The following CCDC7 variants were observed in gnomAD, a reference collection of about 807,000 sequenced individuals.
CCDC7 encodes the protein coiled-coil domain containing 7, also known as coiled-coil domain-containing protein 7.
In CCDC7, 183 loss-of-function variants were observed where a neutral mutation model predicts 196.9. That is an observed-to-expected ratio of 0.93 (90% confidence interval 0.82 to 1.05). The LOEUF is 1.05. Among genes scored for constraint, CCDC7 ranks in the 50% least tolerant of loss-of-function variants. CCDC7 has a pLI of 0.00. For missense variants in CCDC7, 1,540 were observed against 1,482.2 expected, an observed-to-expected ratio of 1.04 and a Z score of -0.64; for synonymous variants, 525 against 484.6, an observed-to-expected ratio of 1.08 and a Z score of -1.10.
At chr10:32,683,001 A>ATTT (rs1448968401) in intron 21 of CCDC7, among the ~76,000 whole-genome samples, 1 of 152,120 alleles carries the variant, frequency 6.6e-6, no homozygotes, top group East Asian at 1.9e-4. Flanking sequence ...TAGTTTAATT[A>ATTT]GATCCTATTT....
At chr10:32,812,352 C>G (rs1394398729) in intron 30 of CCDC7, among the ~76,000 whole-genome samples, 2 of 151,866 alleles carry the variant, frequency 1.3e-5, no homozygotes, top group African/African-American at 4.8e-5. Context: ...TTTCTTGCCT[C>G]AGCTTTTTAA....
chr10:32,619,945 C>CA (rs2063218762), intron 18 of CCDC7, among the ~76,000 whole-genome samples: 1 of 83,626 alleles, frequency 1.2e-5, no homozygotes, highest in African/African-American at 7.6e-5. Context: ...TTTTTTGAGA[C>CA]AGAGTCTTGC....
At chr10:32,592,448 T>C (rs1305220370) in intron 18 of CCDC7, among the ~76,000 whole-genome samples, 1 of 152,200 alleles carries the variant, frequency 6.6e-6, no homozygotes, top group Non-Finnish European at 1.5e-5. Flanking sequence ...ATTTTCTTTT[T>C]AATGTGTGTC....
At chr10:32,518,422 A>C in exon 11 of CCDC7, 1 of 1,598,834 alleles carries the variant, frequency 6.3e-7, no homozygotes, top group Non-Finnish European at 8.5e-7. Context: ...TTAGGAATAC[A>C]AACAGATGCA....
chr10:32,776,808 G>A (rs1451897885), intron 28 of CCDC7, among the ~76,000 whole-genome samples: 1 of 152,136 alleles, frequency 6.6e-6, no homozygotes, highest in Non-Finnish European at 1.5e-5. Flanking sequence ...AGATGATTGG[G>A]AGGTAAAATA....
At chr10:32,877,444 AT>A (rs1396411836), downstream of CCDC7, among the ~76,000 whole-genome samples, 2 of 152,096 alleles carry the variant, frequency 1.3e-5, no homozygotes, top group African/African-American at 4.8e-5. Flanking sequence ...TGGGTTGTGA[AT>A]AAAGTGGATT....
chr10:32,700,500 C>G (rs1367618605), intron 24 of CCDC7, among the ~76,000 whole-genome samples: 1 of 152,138 alleles, frequency 6.6e-6, no homozygotes, highest in Non-Finnish European at 1.5e-5. Context: ...ATGCCTCCAG[C>G]TTTGTTCTTT....
At position 32,860,166 on chromosome 10, in the gene CCDC7, A is replaced by G. The variant is rs1366686529; in HGVS notation, c.4111+5677A>G. On this transcript the variant is annotated intron_variant, in intron 41 of 41. Coordinates refer to ENST00000639629, the Ensembl canonical transcript of CCDC7. ...GAACATCGATGTAAAAATCCTCGATAAAATACTGGCAAACCGAATCCAGCA... is the reference window on the plus strand; with the variant it reads ...GAACATCGATGTAAAAATCCTCGATGAAATACTGGCAAACCGAATCCAGCA... Among the ~76,000 whole-genome samples, 7 of 152,234 alleles carry G rather than the reference A, an allele frequency of 4.6e-5. 1 individual carries two copies. The highest frequency in any genetic ancestry group is 1.0e-4 in the Non-Finnish European group (7 of 68,036).
At chr10:32,645,320 A>G (rs2067563266) in intron 20 of CCDC7, among the ~76,000 whole-genome samples, 2 of 152,004 alleles carry the variant, frequency 1.3e-5, no homozygotes, top group Non-Finnish European at 2.9e-5. Context: ...GTGATGTGTC[A>G]CATTTATTTG....
chr10:32,838,676 T>C (rs1358111271), intron 33 of CCDC7, among the ~76,000 whole-genome samples: 2 of 151,972 alleles, frequency 1.3e-5, no homozygotes, highest in Non-Finnish European at 2.9e-5. Context: ...TGTAGGCCTA[T>C]AGTAATCAGG....
intron 21 of CCDC7, among the ~76,000 whole-genome samples, chr10:32,666,120 C>CTTTTTT (rs35052301): frequency 3.1e-4 from 41 of 130,756 alleles, no homozygotes; most frequent in Non-Finnish European, 5.5e-4. Context: ...TATTCTTTTT[C>CTTTTTT]TTTTTTTTTT....
At position 32,694,996 on chromosome 10, in the gene CCDC7, A is replaced by G; in HGVS notation, c.2458+4A>G. On this transcript the variant is annotated splice_donor_region_variant and intron_variant, in intron 24 of 41. Transcript: ENST00000639629. ...CCTAGAGAGAAAAGACATAGTAGTAAGTATAATAATTATAGATAACTTAAA... is the reference window on the plus strand; with the variant it reads ...CCTAGAGAGAAAAGACATAGTAGTAGGTATAATAATTATAGATAACTTAAA... 1.3e-6 allele frequency: 2 copies of G among 1,485,310 alleles called. No individual in the cohort carries two copies. The highest frequency in any genetic ancestry group is 1.8e-6 in the Non-Finnish European group (2 of 1,088,920). The allele number at this position is 1,485,310 out of a possible 1,614,324, so 92.0% of individuals were successfully genotyped here.
chr10:32,633,660 A>C (rs2139555374), intron 18 of CCDC7, among the ~76,000 whole-genome samples: 1 of 145,312 alleles, frequency 6.9e-6, no homozygotes, highest in African/African-American at 2.5e-5. Flanking sequence ...TTCCCTTTCT[A>C]ATTCTATTGA....
At chr10:32,611,155 G>A (rs917809749) in intron 18 of CCDC7, among the ~76,000 whole-genome samples, 3 of 152,102 alleles carry the variant, frequency 2.0e-5, no homozygotes, top group African/African-American at 7.2e-5. Context: ...GTTTTGATTT[G>A]CATTTCTCTA....
intron 20 of CCDC7, among the ~76,000 whole-genome samples, chr10:32,640,174 C>T (rs2066465509): frequency 6.6e-6 from 1 of 152,070 alleles, no homozygotes; most frequent in Non-Finnish European, 1.5e-5. Context: ...TTGTGGGAGT[C>T]TAAGTCTCTT....
At chr10:32,812,603 T>A (rs890069000) in intron 30 of CCDC7, among the ~76,000 whole-genome samples, 13 of 152,120 alleles carry the variant, frequency 8.5e-5, no homozygotes, top group African/African-American at 2.9e-4. Context: ...TTTAAGATTT[T>A]AGATAGCTTA....
chr10:32,491,067 A>G (rs547883386), intron 8 of CCDC7, among the ~76,000 whole-genome samples: 1 of 152,074 alleles, frequency 6.6e-6, no homozygotes, highest in South Asian at 2.1e-4. Flanking sequence ...TAGGGTGTTT[A>G]CTTTTCATTT....
At chr10:32,687,647 T>C (rs1253345771) in intron 22 of CCDC7, among the ~76,000 whole-genome samples, 1 of 152,228 alleles carries the variant, frequency 6.6e-6, no homozygotes, top group Non-Finnish European at 1.5e-5. Flanking sequence ...ATGTGAGTTA[T>C]GTAATTCTAC....
intron 18 of CCDC7, among the ~76,000 whole-genome samples, chr10:32,604,613 C>T (rs1315164120): frequency 6.6e-6 from 1 of 152,080 alleles, no homozygotes; most frequent in African/African-American, 2.4e-5. Flanking sequence ...CAGTGTTTTA[C>T]AGCTTTCTTT....
Sources: allele counts gnomAD v4.1 joint callset (sites outside exome capture counted in the v4.1 genomes callset), GRCh38; gene constraint gnomAD v4.1.1; transcripts MANE v1.5; gene names NCBI Gene and HGNC (gene_info 2026-07-23, HGNC 2026-07-21).